ABLIM1: variants seen among roughly 807,000 people sequenced by gnomAD.
ABLIM1 encodes actin binding LIM protein 1.
Under a neutral mutation model 107.0 loss-of-function variants are expected in ABLIM1, and 40 were observed. The ratio of observed to expected loss-of-function variants is 0.37; its 90% CI spans 0.29 to 0.49. The LOEUF (loss-of-function observed/expected upper bound fraction) is 0.49, where lower values mean the gene tolerates loss of function less well. Ranked by LOEUF, ABLIM1 falls within the 20% of genes least tolerant of loss-of-function variation. ABLIM1 has a pLI of 0.97. For synonymous variants in ABLIM1, 357 were observed against 357.3 expected, an observed-to-expected ratio of 1.00 and a Z score of 0.01; for missense variants, 857 against 1,008.5, an observed-to-expected ratio of 0.85 and a Z score of 2.04.
chr10:114,726,869 C>G (rs1197716557), intron 1 of ABLIM1, among the ~76,000 whole-genome samples: 1 of 152,144 alleles, frequency 6.6e-6, no homozygotes, highest in Non-Finnish European at 1.5e-5. Flanking sequence ...TCACCTCCCA[C>G]CAGGCCCCAC....
At chr10:114,736,404 C>A (rs1374650751) in intron 1 of ABLIM1, among the ~76,000 whole-genome samples, 1 of 152,134 alleles carries the variant, frequency 6.6e-6, no homozygotes, top group African/African-American at 2.4e-5. Flanking sequence ...TATTGGCTGA[C>A]TGGGTTGGAT....
chr10:114,705,948 A>G (rs183945886), intron 1 of ABLIM1, among the ~76,000 whole-genome samples: 1 of 152,342 alleles, frequency 6.6e-6, no homozygotes, highest in East Asian at 1.9e-4. Flanking sequence ...AATAGGCAAC[A>G]GATCAGGTTT....
chr10:114,774,413 G>T, the ABLIM1 span, among the ~76,000 whole-genome samples: 1 of 152,164 alleles, frequency 6.6e-6, no homozygotes, highest in Admixed American at 6.5e-5. Flanking sequence ...GAGAAAACAA[G>T]CATGGTCCCG....
intron 1 of ABLIM1, among the ~76,000 whole-genome samples, chr10:114,668,417 T>C (rs1040331378): frequency 5.3e-5 from 8 of 152,210 alleles, no homozygotes; most frequent in Non-Finnish European, 1.2e-4. Flanking sequence ...GCACTATTTA[T>C]AGGAGACAGC....
At chr10:114,504,786 A>T (rs554241631) in intron 6 of ABLIM1, among the ~76,000 whole-genome samples, 2 of 152,186 alleles carry the variant, frequency 1.3e-5, no homozygotes, top group Non-Finnish European at 2.9e-5. Context: ...ATATGCCCCA[A>T]TGCTATGTAC....
At chr10:114,739,572 T>G (rs189938622) in intron 1 of ABLIM1, among the ~76,000 whole-genome samples, 421 of 152,364 alleles carry the variant, frequency 2.8e-3, no homozygotes, top group African/African-American at 9.6e-3. Context: ...GGCTGGATTT[T>G]TTTTTAACTT....
chr10:114,788,998 T>C, the ABLIM1 span, among the ~76,000 whole-genome samples: 1 of 152,184 alleles, frequency 6.6e-6, no homozygotes, highest in South Asian at 2.1e-4. Context: ...GACTCATGCC[T>C]GTAATCCCAG....
At chr10:114,686,087 A>G (rs2141646993), upstream of ABLIM1, among the ~76,000 whole-genome samples, 1 of 152,306 alleles carries the variant, frequency 6.6e-6, no homozygotes, top group Non-Finnish European at 1.5e-5. Context: ...AAAGTGGGGG[A>G]GCAGGCAATC....
At chr10:114,554,626 C>A (rs915161513) in intron 4 of ABLIM1, among the ~76,000 whole-genome samples, 1 of 152,120 alleles carries the variant, frequency 6.6e-6, no homozygotes, top group African/African-American at 2.4e-5. Context: ...AGCCCAGGAG[C>A]TCAAGGCTGT....
intron 2 of ABLIM1, among the ~76,000 whole-genome samples, chr10:114,584,562 T>A (rs2139367356): frequency 1.3e-5 from 2 of 152,250 alleles, no homozygotes; most frequent in East Asian, 3.9e-4. Context: ...GAGCTCAAAA[T>A]AGCTGAGCAG....
chr10:114,456,268 G>A lies in ABLIM1; in HGVS notation c.1442-2785C>T, dbSNP rs117279981. ...CAAGTAAATGATGATGATAAGTAAAGACCTGTGTACAGCACTGGGCTCACA... is the reference window on the plus strand; with the variant it reads ...CAAGTAAATGATGATGATAAGTAAAAACCTGTGTACAGCACTGGGCTCACA... On this transcript the variant is annotated intron_variant, in intron 12 of 22. Coordinates refer to ENST00000533213, the MANE Select transcript of ABLIM1 (RefSeq NM_002313.7). Among the ~76,000 whole-genome samples, 79 of 152,250 alleles carry A rather than the reference G, an allele frequency of 5.2e-4. 1 individual carries two copies. In the East Asian group the frequency reaches 0.014, roughly 28 times the overall value.
chr10:114,488,126 G>A, intron 7 of ABLIM1, 110 bp from the exon 8 acceptor site: 5 of 1,161,946 alleles, frequency 4.3e-6, no homozygotes, highest in South Asian at 1.2e-5. Context: ...ATCATAGGAA[G>A]GTGTTATTGC....
At chr10:114,758,638 C>T (rs2082680966) in intron 1 of ABLIM1, among the ~76,000 whole-genome samples, 1 of 152,198 alleles carries the variant, frequency 6.6e-6, no homozygotes, top group Admixed American at 6.5e-5. Flanking sequence ...CCAGAAATAG[C>T]TGTTTACCTC....
chr10:114,568,869 T>A (rs75598134), intron 4 of ABLIM1, among the ~76,000 whole-genome samples: 1,531 of 152,364 alleles, frequency 0.01, 14 homozygotes, highest in East Asian at 0.039. Context: ...AATTTTCATT[T>A]ACATGTGCAT....
chr10:114,551,899 C>T (rs1159976580), intron 4 of ABLIM1, among the ~76,000 whole-genome samples: 1 of 152,142 alleles, frequency 6.6e-6, no homozygotes, highest in Non-Finnish European at 1.5e-5. Flanking sequence ...ATGCCCTGCA[C>T]GGTGCCTCAT....
chr10:114,519,872 G>T (rs1373839350), intron 6 of ABLIM1, among the ~76,000 whole-genome samples: 1 of 152,158 alleles, frequency 6.6e-6, no homozygotes, highest in African/African-American at 2.4e-5. Flanking sequence ...ACCAACCCAG[G>T]AAAAAAGGAA....
chr10:114,485,637 T>C (rs926059809), intron 8 of ABLIM1, among the ~76,000 whole-genome samples: 23 of 152,196 alleles, frequency 1.5e-4, no homozygotes, highest in Admixed American at 1.4e-3. Context: ...TATTTTGGCT[T>C]AGACATTCTT....
intron 1 of ABLIM1, among the ~76,000 whole-genome samples, chr10:114,625,016 A>AT (rs896374665): frequency 6.6e-6 from 1 of 152,222 alleles, no homozygotes; most frequent in African/African-American, 2.4e-5. Context: ...AATGTCACTG[A>AT]TCAAGAACAA....
At chr10:114,759,798 GTT>G (rs2082706040) in intron 1 of ABLIM1, among the ~76,000 whole-genome samples, 4 of 152,200 alleles carry the variant, frequency 2.6e-5, no homozygotes, top group African/African-American at 9.6e-5. Flanking sequence ...AACACTACCA[GTT>G]AGAAAGGCCA....
Sources: allele counts gnomAD v4.1 joint callset (sites outside exome capture counted in the v4.1 genomes callset), GRCh38; gene constraint gnomAD v4.1.1; transcripts MANE v1.5; gene names NCBI Gene and HGNC (gene_info 2026-07-23, HGNC 2026-07-21).